ATP2A3: variants seen among roughly 807,000 people sequenced by gnomAD.
The protein encoded by ATP2A3 is ATPase sarcoplasmic/endoplasmic reticulum Ca2+ transporting 3.
Under a neutral mutation model 106.8 loss-of-function variants are expected in ATP2A3, and 61 were observed. The observed-to-expected ratio is 0.57, with a 90% CI of 0.46 to 0.71. The LOEUF (loss-of-function observed/expected upper bound fraction) is 0.71, where lower values mean the gene tolerates loss of function less well. Ranked by LOEUF, ATP2A3 falls within the 30% of genes least tolerant of loss-of-function variation. The pLI is 0.00. For missense variants in ATP2A3, 1,201 were observed against 1,423.5 expected, an observed-to-expected ratio of 0.84 and a Z score of 2.52; for synonymous variants, 611 against 609.3, an observed-to-expected ratio of 1.00 and a Z score of -0.04.
At position 3,925,091 on chromosome 17, in the gene ATP2A3, G is replaced by A. The variant is rs966743670; in HGVS notation, c.*331C>T. 12 of 529,988 alleles carry A rather than the reference G, an allele frequency of 2.3e-5. No homozygotes were observed. Among genetic ancestry groups the A allele is most frequent in the Non-Finnish European group, 4.1e-5 (12 of 292,686 alleles). The allele number at this position is 529,988 out of a possible 1,614,324, so 32.8% of individuals were successfully genotyped here. On this transcript the variant is annotated 3_prime_UTR_variant, in exon 21 of 21. Transcript: ENST00000397041. The surrounding 1 kb of genome is among the most constrained non-coding windows in gnomAD (Gnocchi z 4.2). Reference sequence around the variant, plus strand: ...GCTGCACTCGTGATTTGGGGGTGGGGGGGCCCCGGATCTCTGGGTATGCTG... The same window carrying A: ...GCTGCACTCGTGATTTGGGGGTGGGAGGGCCCCGGATCTCTGGGTATGCTG...
chr17:3,958,346 G>A (rs12940900), intron 1 of ATP2A3, among the ~76,000 whole-genome samples: 21,934 of 152,186 alleles, frequency 0.14, 1,701 homozygotes, highest in Middle Eastern at 0.18. Context: ...TAAGCGCAGC[G>A]TCTCCAGCAC....
intron 15 of ATP2A3, 48 bp downstream of exon 15, chr17:3,937,368 G>A (rs558824187): frequency 1.3e-6 from 2 of 1,580,360 alleles, no homozygotes; most frequent in African/African-American, 2.7e-5. Flanking sequence ...CATCTCAGGG[G>A]CACAGAGCGG....
Position 3,930,685 on chromosome 17 carries a change from G to A in ATP2A3, c.2611-251C>T, listed in dbSNP as rs893632725. 29 of 581,424 alleles carry A rather than the reference G, an allele frequency of 5.0e-5. No homozygotes were observed. The highest frequency in any genetic ancestry group is 3.9e-4 in the Admixed American group (14 of 36,148). The allele number at this position is 581,424 out of a possible 1,614,324, so 36.0% of individuals were successfully genotyped here. On this transcript the variant is annotated intron_variant, in intron 17 of 20. Transcript: ENST00000397041. This position sits in a 1 kb window ranked among gnomAD's most constrained non-coding sequence, Gnocchi z 5.4. ...AGACGTTCTGGAGCAGGAGTGCAGC[G>A]GCTCAGAAGGAGAACAGCTGGCATT...
At chr17:3,934,970 C>A in intron 17 of ATP2A3, 1 of 578,740 alleles carries the variant, frequency 1.7e-6, no homozygotes, top group Admixed American at 2.9e-5. Flanking sequence ...TCCCCGCTAA[C>A]TGACTGGGAT....
intron 1 of ATP2A3, among the ~76,000 whole-genome samples, chr17:3,959,998 C>T (rs2055051331): frequency 6.6e-6 from 1 of 152,174 alleles, no homozygotes; most frequent in South Asian, 2.1e-4. Context: ...CTTCAGCTGC[C>T]CAGCAGGGGC....
At chr17:3,958,849 A>AATATATAT (rs775662160) in intron 1 of ATP2A3, among the ~76,000 whole-genome samples, 3,745 of 84,236 alleles carry the variant, frequency 0.044, 284 homozygotes, top group African/African-American at 0.11. Context: ...CACATATATA[A>AATATATAT]ATATATATAT....
intron 15 of ATP2A3, chr17:3,937,087 G>GAC: frequency 1.9e-5 from 8 of 420,322 alleles, no homozygotes; most frequent in South Asian, 1.3e-4. Flanking sequence ...TTCGCACACG[G>GAC]ACACACACAC....
Position 3,947,926 on chromosome 17 carries a change from A to G in ATP2A3, c.631-71T>C. ...GGGGCCCAGGACCCCTGACTCCTTC[A>G]GGCCGGAATAAGGCACTTATCCTTC... On this transcript the variant is annotated intron_variant, in intron 7 of 20. Transcript: ENST00000397041. The surrounding 1 kb of genome is among the most constrained non-coding windows in gnomAD (Gnocchi z 7.7). 1.4e-6 allele frequency: 2 copies of G among 1,465,354 alleles called. No individual in the cohort carries two copies. The highest frequency in any genetic ancestry group is 2.3e-5 in the South Asian group (2 of 86,658). The allele number at this position is 1,465,354 out of a possible 1,614,324, so 90.8% of individuals were successfully genotyped here.
In ATP2A3 at chr17:3,930,476, C is replaced by A. The variant is rs780723294; in HGVS notation, c.2611-42G>T. The A allele has an allele frequency of 1.2e-6, 2 of 1,607,506 alleles. No individual in the cohort carries two copies. The highest frequency in any genetic ancestry group is 1.3e-5 in the African/African-American group (1 of 74,926). ...AGGTCAGAGAGAGCGGCAGGTCAGG[C>A]GAGGGGCTGGTGGGTGGGAGGAGGG... On this transcript the variant is annotated intron_variant, in intron 17 of 20. Coordinates refer to ENST00000397041, the MANE Select transcript of ATP2A3 (RefSeq NM_005173.4). The surrounding 1 kb of genome is among the most constrained non-coding windows in gnomAD (Gnocchi z 5.4).
chr17:3,944,909 C>CCCCAGAAGGGCTCCGCCTCCTGGCCCCG, intron 9 of ATP2A3, 103 bp from the exon 10 acceptor site: 2 of 883,586 alleles, frequency 2.3e-6, no homozygotes, highest in Admixed American at 3.8e-5. Context: ...CTTGGCCCCG[C>CCCCAGAAGGGCTCCGCCTCCTGGCCCCG]CCCCAGAAGG....
rs1051242146 is a variant in ATP2A3 at position 3,951,754 on chromosome 17, C to A, written c.220-69G>T. 6 of 1,412,018 alleles carry A rather than the reference C, an allele frequency of 4.2e-6. No homozygotes were observed. In the African/African-American group the frequency reaches 8.5e-5, roughly 20 times the overall value. The allele number at this position is 1,412,018 out of a possible 1,614,324, so 87.5% of individuals were successfully genotyped here. On this transcript the variant is annotated intron_variant, in intron 3 of 20. Coordinates refer to ENST00000397041, the MANE Select transcript of ATP2A3 (RefSeq NM_005173.4). ...AGATCTGCTCTCCTTTTCCTTGGCA[C>A]CCCGGATCTCCTGCTTGCTTCCCTG...
intron 17 of ATP2A3, among the ~76,000 whole-genome samples, chr17:3,931,538 T>C (rs1224755915): frequency 6.7e-6 from 1 of 149,726 alleles, no homozygotes; most frequent in African/African-American, 2.5e-5. Context: ...TTTTTTTTTT[T>C]TGAAACAGAG....
chr17:3,936,101 G>C lies in ATP2A3; in HGVS notation c.2524+166C>G, dbSNP rs1597592739. On this transcript the variant is annotated intron_variant, in intron 16 of 20. Transcript: ENST00000397041. The surrounding 1 kb of genome is among the most constrained non-coding windows in gnomAD (Gnocchi z 5.4). ...TGAGGCAGTGCCAAAATATGCCAGT[G>C]ATACTGAGACCCAGATCCCGCCATG... is the stretch of plus-strand genomic sequence containing the variant. Among the ~76,000 whole-genome samples, 1 of 152,234 alleles carries C rather than the reference G, an allele frequency of 6.6e-6. No individual in the cohort carries two copies. Among genetic ancestry groups the C allele is most frequent in the South Asian group, 2.1e-4 (1 of 4,836 alleles).
At position 3,924,845 on chromosome 17, in the gene ATP2A3, C is replaced by G. The variant is rs931232150; in HGVS notation, c.*577G>C. ...GCAGCCTCGAGCTCTCGGGAGCCGA[C>G]TTTGTGGAAGCAGAGTGGAGTGGAG... On this transcript the variant is annotated 3_prime_UTR_variant, in exon 21 of 21. Coordinates refer to ENST00000397041, the MANE Select transcript of ATP2A3 (RefSeq NM_005173.4). This position sits in a 1 kb window ranked among gnomAD's most constrained non-coding sequence, Gnocchi z 6.4. 2 of 456,728 alleles carry G rather than the reference C, an allele frequency of 4.4e-6. No homozygotes were observed. The highest frequency in any genetic ancestry group is 4.0e-5 in the African/African-American group (2 of 50,090). The allele number at this position is 456,728 out of a possible 1,614,324, so 28.3% of individuals were successfully genotyped here.
At chr17:3,942,546 C>T (rs955553816) in intron 12 of ATP2A3, 60 bp downstream of exon 12, 11 of 1,589,408 alleles carry the variant, frequency 6.9e-6, no homozygotes, top group South Asian at 1.1e-5. Flanking sequence ...CACAGAGGAG[C>T]GTGGATGACC....
chr17:3,936,125 T>C lies in ATP2A3; in HGVS notation c.2524+142A>G, dbSNP rs528325640. On this transcript the variant is annotated intron_variant, in intron 16 of 20. Transcript: ENST00000397041. The surrounding 1 kb of genome is among the most constrained non-coding windows in gnomAD (Gnocchi z 5.4). ...TGATACTGAGACCCAGATCCCGCCA[T>C]GCCTGGTCTTTTCCATTACATGAGC... 3,496 of 1,108,758 alleles carry C rather than the reference T, an allele frequency of 3.2e-3. 10 individuals carry two copies. Among genetic ancestry groups the C allele is most frequent in the Non-Finnish European group, 3.5e-3 (2,580 of 743,480 alleles). 68.7% of individuals were successfully genotyped at this position (1,108,758 alleles called of 1,614,324 possible).
At position 3,924,792 on chromosome 17, in the gene ATP2A3, C is replaced by A; in HGVS notation, c.*630G>T. ...GTGTCCGTCTCTCTGACCCTTCACC[C>A]GCCCGGGCCCTGCACATATAAACAG... On this transcript the variant is annotated 3_prime_UTR_variant, in exon 21 of 21. Coordinates refer to ENST00000397041, the MANE Select transcript of ATP2A3 (RefSeq NM_005173.4). This position sits in a 1 kb window ranked among gnomAD's most constrained non-coding sequence, Gnocchi z 6.4. 2.2e-6 allele frequency: 1 copy of A among 456,556 alleles called. No homozygotes were observed. 28.3% of individuals were successfully genotyped at this position (456,556 alleles called of 1,614,324 possible).
At position 3,929,352 on chromosome 17, in the gene ATP2A3, G is replaced by A; in HGVS notation, c.2838C>T (p.Leu946=). 6.4e-7 allele frequency: 1 copy of A among 1,556,760 alleles called. No homozygotes were observed. The highest frequency in any genetic ancestry group is 8.7e-7 in the Non-Finnish European group (1 of 1,150,936). Residue 946 remains leucine (L), a synonymous_variant, in exon 19 of 21, where the codon CTC becomes CTT. Coordinates refer to ENST00000397041, the MANE Select transcript of ATP2A3 (RefSeq NM_005173.4). This position sits in a 1 kb window ranked among gnomAD's most constrained non-coding sequence, Gnocchi z 4.3. ...CAGGCAGGGGCGGCACGAGCAGGAT[G>A]AGGAAGTGCAGGGCCATGGACATGG... ...AVAMSMALHF[L]ILLVPPLPLI...
At chr17:3,941,774 G>T (rs182113536) in intron 12 of ATP2A3, 120 bp from the exon 13 acceptor site, 2 of 1,009,032 alleles carry the variant, frequency 2.0e-6, no homozygotes, top group Non-Finnish European at 3.0e-6. Context: ...GGGTACACAC[G>T]CAAGGCAGGG....
Sources: gnomAD v4.1 joint callset for allele counts (sites outside exome capture counted in the v4.1 genomes callset) on GRCh38, gnomAD v4.1.1 for gene constraint, Gnocchi (gnomAD v3.1) non-coding constraint, MANE v1.5 for transcripts, NCBI Gene and HGNC (gene_info 2026-07-23, HGNC 2026-07-21) for gene names.